RBM41: variants seen among roughly 807,000 people sequenced by gnomAD.
The protein encoded by RBM41 is RNA binding motif protein 41.
Under a neutral mutation model 30.8 loss-of-function variants are expected in RBM41, and 14 were observed. The ratio of observed to expected loss-of-function variants is 0.45; its 90% CI spans 0.30 to 0.71. The LOEUF (loss-of-function observed/expected upper bound fraction) is 0.71. Among genes scored for constraint, RBM41 ranks in the 30% least tolerant of loss-of-function variants. The pLI is 0.08. For missense variants in RBM41, 276 were observed against 326.3 expected (o/e 0.85, Z 1.19); for synonymous variants, 120 against 110.1 (o/e 1.09, Z -0.56).
At chrX:107,055,333 A>T in the RBM41 span, among the ~76,000 whole-genome samples, 1,084 of 109,667 alleles carry the variant, frequency 9.9e-3, 9 homozygotes, top group Middle Eastern at 0.024. Flanking sequence ...TTTTTTTATT[A>T]TTTTTTTTTG....
chrX:107,055,889 CTA>C, the RBM41 span, among the ~76,000 whole-genome samples: 2 of 112,038 alleles, frequency 1.8e-5, no homozygotes, highest in South Asian at 3.7e-4. Context: ...AGATTTATCC[CTA>C]TGTTTTCATC....
intron 6 of RBM41, among the ~76,000 whole-genome samples, chrX:107,076,265 C>T (rs765360893): frequency 2.8e-5 from 3 of 107,872 alleles, no homozygotes; most frequent in African/African-American, 1.0e-4. Context: ...TGTAGTGAAC[C>T]GAGATCGCAC....
rs1180531812 is a variant in RBM41 at position 107,077,611 on chromosome X, G to C, written c.1000-8209C>G. On this transcript the variant is annotated intron_variant, in intron 6 of 7. Transcript: ENST00000685964. ...ACACACACACACACACACACACACA[G>C]ATAAAGCTAGGTTCAAAAACAAGAT... is the stretch of plus-strand genomic sequence containing the variant. Among the ~76,000 whole-genome samples the C allele has an allele frequency of 1.3e-4, 10 of 74,502 alleles. No individual in the cohort carries two copies. The East Asian group carries it at 1.5e-3, about 11-fold the overall frequency. 64.7% of individuals were successfully genotyped at this position (74,502 alleles called of 115,157 possible). A position where few individuals can be genotyped will look rare whatever the true frequency, so the allele number is the denominator to read the frequency against.
intron 5 of RBM41, chrX:107,112,825 A>C (rs1569346759): frequency 3.1e-6 from 1 of 327,286 alleles, no homozygotes; most frequent in African/African-American, 2.6e-5. Context: ...ATTTTCTAAA[A>C]GATAAAACTA....
Position 107,063,789 on chromosome X carries a change from C to T in RBM41, c.*3738G>A, listed in dbSNP as rs1192880166. Among the ~76,000 whole-genome samples, 1 of 110,326 alleles carries T rather than the reference C, an allele frequency of 9.1e-6. No homozygotes were observed. The highest frequency in any genetic ancestry group is 1.9e-5 in the Non-Finnish European group (1 of 52,901). ...TTTACTGATCTTTTTATAGAATCAACTTTTGGTTGCATTGATTTTTCTCTA... is the reference window on the plus strand; with the variant it reads ...TTTACTGATCTTTTTATAGAATCAATTTTTGGTTGCATTGATTTTTCTCTA... On this transcript the variant is annotated 3_prime_UTR_variant, in exon 8 of 8. Transcript: ENST00000685964.
chrX:107,063,881 A>C lies in RBM41; in HGVS notation c.*3646T>G, dbSNP rs1351161802. Among the ~76,000 whole-genome samples, 17 of 108,005 alleles carry C rather than the reference A, an allele frequency of 1.6e-4. No homozygotes were observed. The highest frequency in any genetic ancestry group is 3.1e-4 in the Non-Finnish European group (16 of 52,221). The allele number at this position is 108,005 out of a possible 115,157, so 93.8% of individuals were successfully genotyped here. ...ATATTTCCTTCTTTCTCCTGGCTCT[A>C]GGTTTAGTTTGCTCTTCTTTTTCCA... is the stretch of plus-strand genomic sequence containing the variant. On this transcript the variant is annotated 3_prime_UTR_variant, in exon 8 of 8. Coordinates refer to ENST00000685964, the MANE Select transcript of RBM41 (RefSeq NM_001324242.2).
intron 6 of RBM41, among the ~76,000 whole-genome samples, chrX:107,082,368 T>C (rs1409654565): frequency 8.9e-6 from 1 of 112,061 alleles, no homozygotes; most frequent in Admixed American, 9.5e-5. Flanking sequence ...TCATACTTGA[T>C]CATAGTATAT....
At chrX:107,095,527 C>T (rs889269052) in intron 5 of RBM41, among the ~76,000 whole-genome samples, 2 of 108,156 alleles carry the variant, frequency 1.8e-5, no homozygotes, top group Non-Finnish European at 3.8e-5. Context: ...ACCTAGGTGG[C>T]GGAGATTGCA....
Position 107,116,073 on chromosome X carries a change from G to A in RBM41, c.126-19C>T. The A allele has an allele frequency of 8.8e-7, 1 of 1,135,935 alleles. No individual in the cohort carries two copies. The highest frequency in any genetic ancestry group is 1.2e-6 in the Non-Finnish European group (1 of 853,609). The allele number at this position is 1,135,935 out of a possible 1,213,427, so 93.6% of individuals were successfully genotyped here. ...CATACATCTGCAAAACATGCAGGAG[G>A]AGAGTAAGAACATCTTGAGGTTACT... On this transcript the variant is annotated intron_variant, in intron 2 of 7. Transcript: ENST00000685964.
chrX:107,099,243 A>C (rs1287538424), intron 5 of RBM41, among the ~76,000 whole-genome samples: 1 of 111,674 alleles, frequency 9.0e-6, no homozygotes, highest in Non-Finnish European at 1.9e-5. Context: ...TTAGAGAAAA[A>C]TTGGATACAG....
intron 6 of RBM41, among the ~76,000 whole-genome samples, chrX:107,074,197 A>G (rs1272125593): frequency 8.9e-6 from 1 of 111,875 alleles, no homozygotes; most frequent in Admixed American, 9.5e-5. Context: ...TGTTCACTAT[A>G]TATTATATGT....
In RBM41 at chrX:107,069,380, C is replaced by A; in HGVS notation, c.1022G>T (p.Ser341Ile). Reference sequence around the variant, plus strand: ...AAGATCTCTTTCAGTCACCCGAGGGCTAAGGTTCTTCAGGTATAATACCTA... The same window carrying A: ...AAGATCTCTTTCAGTCACCCGAGGGATAAGGTTCTTCAGGTATAATACCTA... ...PNKVLYLKNL[S>I]PRVTERDLVS... Residue 341 changes from serine (S) to isoleucine (I), a missense_variant, in exon 7 of 8, where the codon AGC becomes ATC. Physicochemically the swap from Ser to Ile is moderately radical, Grantham distance 142. Coordinates refer to ENST00000685964, the MANE Select transcript of RBM41 (RefSeq NM_001324242.2). The A allele has an allele frequency of 8.3e-7, 1 of 1,203,703 alleles. No individual in the cohort carries two copies. The highest frequency in any genetic ancestry group is 1.1e-6 in the Non-Finnish European group (1 of 890,206).
intron 6 of RBM41, among the ~76,000 whole-genome samples, chrX:107,084,189 T>A (rs1041943059): frequency 9.3e-6 from 1 of 107,932 alleles, no homozygotes; most frequent in African/African-American, 3.4e-5. Flanking sequence ...CCTCCTTAAA[T>A]AGAGTCTGAT....
chrX:107,055,570 C>T, the RBM41 span, among the ~76,000 whole-genome samples: 6 of 112,303 alleles, frequency 5.3e-5, no homozygotes, highest in Non-Finnish European at 9.4e-5. Context: ...GTGATCTGCC[C>T]GCCTTGGCCT....
chrX:107,069,339 G>A lies in RBM41; in HGVS notation c.1063C>T (p.Arg355Trp), dbSNP rs1935960304. ...TERDLVSLFARFQEKKGPPIQ... is the reference protein window; with the variant it reads ...TERDLVSLFAWFQEKKGPPIQ... Reference sequence around the variant, plus strand: ...GGAGGTCCTTTTTTCTCCTGGAACCGAGCGAACAATGACACAAGATCTCTT... The same window carrying A: ...GGAGGTCCTTTTTTCTCCTGGAACCAAGCGAACAATGACACAAGATCTCTT... Residue 355 changes from arginine (R) to tryptophan (W), a missense_variant, in exon 7 of 8, where the codon CGG (arginine) becomes TGG (tryptophan). Coordinates refer to ENST00000685964, the MANE Select transcript of RBM41 (RefSeq NM_001324242.2). 3 of 1,207,531 alleles carry A rather than the reference G, an allele frequency of 2.5e-6. No individual in the cohort carries two copies. Among genetic ancestry groups the A allele is most frequent in the Non-Finnish European group, 3.4e-6 (3 of 893,675 alleles).
chrX:107,092,496 A>T (rs1207967585), intron 5 of RBM41, among the ~76,000 whole-genome samples: 1 of 111,536 alleles, frequency 9.0e-6, no homozygotes, highest in African/African-American at 3.3e-5. Context: ...TAATCCCAGC[A>T]CTTGGGAGGC....
intron 6 of RBM41, among the ~76,000 whole-genome samples, chrX:107,087,927 T>C (rs1922186760): frequency 8.9e-6 from 1 of 112,131 alleles, no homozygotes; most frequent in Non-Finnish European, 1.9e-5. Context: ...TTAAAGCTTA[T>C]AGGACCTTTT....
In RBM41 at chrX:107,116,038, C is replaced by G. The variant is rs780609275; in HGVS notation, c.142G>C (p.Glu48Gln). The change falls in exon 3 of 8, where the codon GAG (glutamate) becomes CAG (glutamine). Residue 48 changes from glutamate to glutamine, a missense_variant. Physicochemically the swap from Glu to Gln is conservative, Grantham distance 29. Transcript: ENST00000685964. Reference sequence around the variant, plus strand: ...TACATAGTACCAGGAGCAAAGCTCTCTTTCTTAGACATACATCTGCAAAAC... The same window carrying G: ...TACATAGTACCAGGAGCAAAGCTCTGTTTCTTAGACATACATCTGCAAAAC... ...VSIEECMSKKESFAPGTMYKP... is the reference protein window; with the variant it reads ...VSIEECMSKKQSFAPGTMYKP... 1.7e-6 allele frequency: 2 copies of G among 1,171,637 alleles called. No homozygotes were observed. Among genetic ancestry groups the G allele is most frequent in the Admixed American group, 4.8e-5 (2 of 41,712 alleles).
intron 5 of RBM41, among the ~76,000 whole-genome samples, chrX:107,090,305 C>T (rs1000897695): frequency 9.0e-6 from 1 of 111,151 alleles, no homozygotes; most frequent in Non-Finnish European, 1.9e-5. Flanking sequence ...ACCTGGGAAG[C>T]GGAGGTTGCA....
Sources: gnomAD v4.1 joint callset for allele counts (sites outside exome capture counted in the v4.1 genomes callset) on GRCh38, gnomAD v4.1.1 for gene constraint, MANE v1.5 for transcripts, NCBI Gene and HGNC (gene_info 2026-07-23, HGNC 2026-07-21) for gene names.